DCC: variants seen among roughly 807,000 people sequenced by gnomAD.
DCC encodes the protein netrin receptor DCC.
A neutral mutation model predicts 172.5 loss-of-function variants in DCC; 58 were observed. The ratio of observed to expected loss-of-function variants is 0.34; its 90% CI spans 0.27 to 0.42. The LOEUF (loss-of-function observed/expected upper bound fraction) is 0.42. DCC is among the 10% of genes least tolerant of loss of function. The pLI, the probability that DCC is intolerant of heterozygous loss-of-function variation, is 1.00. For synonymous variants in DCC, 709 were observed against 644.5 expected (o/e 1.10, Z -1.52); for missense variants, 1,740 against 1,791.0 (o/e 0.97, Z 0.51).
intron 1 of DCC, among the ~76,000 whole-genome samples, chr18:52,416,165 C>T (rs1987020421): frequency 6.6e-6 from 1 of 152,112 alleles, no homozygotes; most frequent in Non-Finnish European, 1.5e-5. Flanking sequence ...TGTTCAGTTT[C>T]CATGTAGTTG....
intron 12 of DCC, among the ~76,000 whole-genome samples, chr18:53,235,667 T>G (rs2056190561): frequency 6.9e-6 from 1 of 145,108 alleles, no homozygotes; most frequent in South Asian, 2.4e-4. Context: ...AAGTGTACAA[T>G]TCATTGACGT....
At chr18:52,832,502 C>T (rs2038633796) in intron 2 of DCC, among the ~76,000 whole-genome samples, 1 of 152,122 alleles carries the variant, frequency 6.6e-6, no homozygotes. Context: ...AGTAAGACTT[C>T]TGGGCGTCTT....
At chr18:52,952,442 C>G (rs980605591) in intron 5 of DCC, among the ~76,000 whole-genome samples, 1 of 151,960 alleles carries the variant, frequency 6.6e-6, no homozygotes, top group African/African-American at 2.4e-5. Context: ...GGAGAAGACC[C>G]CAACTATTTT....
At chr18:52,533,409 C>G (rs2032204554) in intron 1 of DCC, among the ~76,000 whole-genome samples, 1 of 152,138 alleles carries the variant, frequency 6.6e-6, no homozygotes, top group Admixed American at 6.6e-5. Context: ...CTGCCTTCTA[C>G]CATCCCTAGC....
chr18:52,496,900 A>G (rs1305440230), intron 1 of DCC, among the ~76,000 whole-genome samples: 1 of 151,510 alleles, frequency 6.6e-6, no homozygotes, highest in Admixed American at 6.6e-5. Context: ...CTTTCACATG[A>G]AAAAAAACAG....
intron 13 of DCC, among the ~76,000 whole-genome samples, chr18:53,320,255 G>A (rs1442256702): frequency 6.6e-6 from 1 of 151,812 alleles, no homozygotes; most frequent in Admixed American, 6.6e-5. Flanking sequence ...TGTATCTTTA[G>A]TAGAGACGGG....
intron 8 of DCC, among the ~76,000 whole-genome samples, chr18:53,163,278 G>A (rs949262490): frequency 1.3e-5 from 2 of 152,100 alleles, no homozygotes; most frequent in African/African-American, 4.8e-5. Flanking sequence ...TTCTTACCCA[G>A]TAAAATAAAT....
chr18:52,447,834 G>T (rs1988171790), intron 1 of DCC, among the ~76,000 whole-genome samples: 1 of 152,070 alleles, frequency 6.6e-6, no homozygotes. Context: ...ACTCACTATT[G>T]AGAGGATAGT....
chr18:52,789,459 TA>T (rs373879575), intron 2 of DCC, among the ~76,000 whole-genome samples: 7 of 152,162 alleles, frequency 4.6e-5, no homozygotes, highest in East Asian at 1.9e-4. Context: ...AAAGGCCTTT[TA>T]AAAAAAATCT....
chr18:53,220,345 C>T (rs571630707), intron 12 of DCC, among the ~76,000 whole-genome samples: 1 of 152,244 alleles, frequency 6.6e-6, no homozygotes, highest in East Asian at 1.9e-4. Flanking sequence ...CACTTCTCTG[C>T]TTTCACCATT....
chr18:53,051,852 G>A (rs756117369), intron 5 of DCC, among the ~76,000 whole-genome samples: 23 of 151,750 alleles, frequency 1.5e-4, no homozygotes, highest in Admixed American at 2.6e-4. Context: ...TCAGTTTCCC[G>A]GAAACACAGT....
At chr18:52,766,692 C>T (rs2037257822) in intron 2 of DCC, among the ~76,000 whole-genome samples, 1 of 152,032 alleles carries the variant, frequency 6.6e-6, no homozygotes, top group South Asian at 2.1e-4. Context: ...CTTCTCCCCT[C>T]TGCTGGCTGA....
chr18:53,519,729 A>G (rs2046379309), intron 27 of DCC, among the ~76,000 whole-genome samples: 5 of 151,694 alleles, frequency 3.3e-5, no homozygotes, highest in Non-Finnish European at 7.4e-5. Context: ...TGTTTAGGCC[A>G]ATTGTCAGTG....
chr18:52,781,692 T>C (rs1434797162), intron 2 of DCC, among the ~76,000 whole-genome samples: 1 of 152,166 alleles, frequency 6.6e-6, no homozygotes, highest in East Asian at 1.9e-4. Context: ...ATTTATCTCT[T>C]ATAAAGCTTA....
At chr18:53,258,452 C>G (rs946885987) in intron 12 of DCC, among the ~76,000 whole-genome samples, 1 of 151,970 alleles carries the variant, frequency 6.6e-6, no homozygotes, top group Non-Finnish European at 1.5e-5. Flanking sequence ...TTTATTTCTG[C>G]CTTCATTTCG....
chr18:52,735,668 A>T (rs1054898124), intron 1 of DCC, among the ~76,000 whole-genome samples: 3 of 152,090 alleles, frequency 2.0e-5, no homozygotes, highest in Non-Finnish European at 2.9e-5. Flanking sequence ...GTTCAGGGGC[A>T]GGAAGCATCC....
chr18:52,852,028 G>T (rs1260780977), intron 2 of DCC, among the ~76,000 whole-genome samples: 1 of 151,990 alleles, frequency 6.6e-6, no homozygotes, highest in African/African-American at 2.4e-5. Flanking sequence ...ATTCAAAATA[G>T]ATTTTATTTT....
chr18:53,002,750 G>T (rs886782311), intron 5 of DCC, among the ~76,000 whole-genome samples: 14 of 152,088 alleles, frequency 9.2e-5, no homozygotes, highest in African/African-American at 3.4e-4. Context: ...ATATTTAAAA[G>T]AAACGTTTAT....
intron 1 of DCC, among the ~76,000 whole-genome samples, chr18:52,455,607 C>T (rs1988432972): frequency 6.6e-6 from 1 of 152,168 alleles, no homozygotes; most frequent in African/African-American, 2.4e-5. Flanking sequence ...CAAGTCAAGA[C>T]CTTTACAGGG....
Sources: gnomAD v4.1 joint callset for allele counts (sites outside exome capture counted in the v4.1 genomes callset) on GRCh38, gnomAD v4.1.1 for gene constraint, MANE v1.5 for transcripts, NCBI Gene and HGNC (gene_info 2026-07-23, HGNC 2026-07-21) for gene names.